Variants in CABLES2 observed in about 807,000 individuals in gnomAD.
The protein encoded by CABLES2 is CDK5 and ABL1 enzyme substrate 2.
In CABLES2, 35 loss-of-function variants were observed where a neutral mutation model predicts 44.8. The observed-to-expected ratio is 0.78, with a 90% CI of 0.60 to 1.04. CABLES2 has a LOEUF of 1.04. Among genes scored for constraint, CABLES2 ranks in the 50% least tolerant of loss-of-function variants. The probability of loss-of-function intolerance (pLI) is 0.00; values close to 1 mark genes in which losing one functional copy is unlikely to be tolerated. For synonymous variants in CABLES2, 282 were observed against 281.1 expected, an observed-to-expected ratio of 1.00 and a Z score of -0.03; for missense variants, 566 against 615.7, an observed-to-expected ratio of 0.92 and a Z score of 0.85.
Position 62,389,414 on chromosome 20 carries a change from G to A in CABLES2, c.*1557C>T, listed in dbSNP as rs957896536. ...CCATCTCTGGGTTTTGGTGGCCCCA[G>A]TGAGTGGCTGTGGAAAAGGAGGAGG... On this transcript the variant is annotated 3_prime_UTR_variant, in exon 10 of 10. Transcript: ENST00000279101. 5 of 152,376 alleles carry A rather than the reference G, an allele frequency of 3.3e-5. No homozygotes were observed. The highest frequency in any genetic ancestry group is 1.2e-4 in the African/African-American group (5 of 41,470). The allele number at this position is 152,376 out of a possible 1,614,324, so 9.4% of individuals were successfully genotyped here.
chr20:62,401,047 A>C (rs1988178731), intron 1 of CABLES2, among the ~76,000 whole-genome samples: 1 of 152,200 alleles, frequency 6.6e-6, no homozygotes, highest in Non-Finnish European at 1.5e-5. Flanking sequence ...CATGGCTGGT[A>C]AGAGACAGAG....
In CABLES2 at chr20:62,393,004, G is replaced by A. The variant is rs781599890; in HGVS notation, c.900C>T (p.Thr300=). ...CCAGGAGGTTGGGGTTGTACTCCAG[G>A]GTGTCCCCCACGTCACTCCCTGTAA... ...STELGSDVGD[T]LEYNPNLLDD... is the part of the protein sequence containing the mutation. The change falls in exon 7 of 10, where the codon ACC becomes ACT. Residue 300 remains threonine, a synonymous_variant. Coordinates refer to ENST00000279101, the MANE Select transcript of CABLES2 (RefSeq NM_031215.3). The A allele has an allele frequency of 1.3e-5, 21 of 1,613,814 alleles. No individual in the cohort carries two copies. In the South Asian group the frequency reaches 2.3e-4, roughly 18 times the overall value.
intron 1 of CABLES2, chr20:62,402,780 C>A (rs1157328832): frequency 6.6e-6 from 1 of 152,362 alleles, no homozygotes; most frequent in Non-Finnish European, 1.5e-5. Context: ...TATGGGGTCA[C>A]AGGGCTGGGC....
At position 62,396,974 on chromosome 20, in the gene CABLES2, T is replaced by C. The variant is rs1020818964; in HGVS notation, c.363-382A>G. Among the ~76,000 whole-genome samples the C allele has an allele frequency of 2.6e-5, 4 of 152,104 alleles. No individual in the cohort carries two copies. Among genetic ancestry groups the C allele is most frequent in the African/African-American group, 9.7e-5 (4 of 41,434 alleles). On this transcript the variant is annotated intron_variant, in intron 1 of 9. Transcript: ENST00000279101. The surrounding 1 kb of genome is among the most constrained non-coding windows in gnomAD (Gnocchi z 5.7). The stretch of plus-strand genomic sequence containing the variant: ...CAGGCCCATCCCACCCAGCGCTGCC[T>C]GAGACTGGTGCTGCCTGCCCCTCCC...
rs749825106 is a variant in CABLES2, at chr20:62,393,022, C to T, written c.882G>A (p.Gly294=). Reference sequence around the variant, plus strand: ...ACTCCAGGGTGTCCCCCACGTCACTCCCTGTAAGAGAGGCAACCCCTGACC... The same window carrying T: ...ACTCCAGGGTGTCCCCCACGTCACTTCCTGTAAGAGAGGCAACCCCTGACC... ...TKSAPASTEL[G]SDVGDTLEYN... is the part of the protein sequence containing the mutation. The change falls in exon 7 of 10, where the codon GGG becomes GGA. Residue 294 remains glycine (G), a splice_region_variant and synonymous_variant. Coordinates refer to ENST00000279101, the MANE Select transcript of CABLES2 (RefSeq NM_031215.3). 6.2e-7 allele frequency: 1 copy of T among 1,613,256 alleles called. No homozygotes were observed. Among genetic ancestry groups the T allele is most frequent in the Non-Finnish European group, 8.5e-7 (1 of 1,179,554 alleles).
intron 7 of CABLES2, 106 bp from the exon 8 acceptor site, chr20:62,392,601 T>A (rs964195641): frequency 2.3e-6 from 2 of 855,962 alleles, no homozygotes; most frequent in African/African-American, 3.3e-5. Flanking sequence ...CAAACATGCA[T>A]ACGGTGTGGC....
rs775505837 is a variant in CABLES2 at position 62,391,445 on chromosome 20, C to T, written c.1100G>A (p.Arg367Gln). ...LTLSKIRSLK[R>Q]EMRSLSEECS... The stretch of plus-strand genomic sequence containing the variant: ...CTCCTCCGACAGGCTCCGCATCTCC[C>T]GCTTTAAGCTGTGGGTTAAGACAGA... The change falls in exon 9 of 10, where the codon CGG (arginine) becomes CAG (glutamine). Residue 367 changes from arginine (R) to glutamine (Q), a missense_variant. Around this residue, in one of 2 missense-constraint regions of CABLES2, gnomAD observed 436 missense variants for 536.3 expected, o/e 0.81. Transcript: ENST00000279101. This position sits in a 1 kb window ranked among gnomAD's most constrained non-coding sequence, Gnocchi z 5.7. 2.2e-5 allele frequency: 35 copies of T among 1,613,064 alleles called. No individual in the cohort carries two copies. The highest frequency in any genetic ancestry group is 3.3e-5 in the South Asian group (3 of 91,078).
At chr20:62,402,270 T>C (rs546136037) in intron 1 of CABLES2, 1 of 152,352 alleles carries the variant, frequency 6.6e-6, no homozygotes, top group Non-Finnish European at 1.5e-5. Context: ...CTGTTTCTAG[T>C]GTTCGGTACA....
chr20:62,391,482 TG>T lies in CABLES2; in HGVS notation c.1092-30del. ...TGGGTTAAGACAGAAGCCATGTCCC[TG>T]GGGGCTCTGGCTGGGGCTGAGGAGG... On this transcript the variant is annotated intron_variant, in intron 8 of 9. Transcript: ENST00000279101. The surrounding 1 kb of genome is among the most constrained non-coding windows in gnomAD (Gnocchi z 5.7). 6.2e-7 allele frequency: 1 copy of T among 1,606,536 alleles called. No individual in the cohort carries two copies. Among genetic ancestry groups the T allele is most frequent in the African/African-American group, 1.3e-5 (1 of 74,944 alleles).
rs2146415811 is a variant in CABLES2, at chr20:62,389,612, T to G, written c.*1359A>C. On this transcript the variant is annotated 3_prime_UTR_variant, in exon 10 of 10. Coordinates refer to ENST00000279101, the MANE Select transcript of CABLES2 (RefSeq NM_031215.3). ...AGAGACAAAGTCGTCCCAGAGCCCCTCCAGGGCCAGGCAGGTTTATAAGGT... is the reference window on the plus strand; with the variant it reads ...AGAGACAAAGTCGTCCCAGAGCCCCGCCAGGGCCAGGCAGGTTTATAAGGT... 6.6e-6 allele frequency: 1 copy of G among 152,336 alleles called. No individual in the cohort carries two copies. Among genetic ancestry groups the G allele is most frequent in the East Asian group, 1.9e-4 (1 of 5,188 alleles). 9.4% of individuals were successfully genotyped at this position (152,336 alleles called of 1,614,324 possible). A position where few individuals can be genotyped will look rare whatever the true frequency, so the allele number is the denominator to read the frequency against.
chr20:62,398,913 C>A (rs1479602486), intron 1 of CABLES2, among the ~76,000 whole-genome samples: 1 of 152,240 alleles, frequency 6.6e-6, no homozygotes, highest in Non-Finnish European at 1.5e-5. Flanking sequence ...TGGTTGGTAC[C>A]AAGGCTGTCA....
At chr20:62,392,141 C>T (rs566133210) in intron 8 of CABLES2, among the ~76,000 whole-genome samples, 3 of 150,766 alleles carry the variant, frequency 2.0e-5, no homozygotes, top group South Asian at 2.1e-4. Flanking sequence ...TGGGCTGCTG[C>T]GAGGGTCTGG....
At chr20:62,400,259 G>T (rs1371621768) in intron 1 of CABLES2, among the ~76,000 whole-genome samples, 1 of 150,982 alleles carries the variant, frequency 6.6e-6, no homozygotes, top group Non-Finnish European at 1.5e-5. Context: ...GGGCTGGCCT[G>T]CACAGTGGGG....
chr20:62,407,239 G>T lies in CABLES2; in HGVS notation c.38C>A (p.Ala13Asp), dbSNP rs887809337. 7.2e-5 allele frequency: 59 copies of T among 817,060 alleles called. No individual in the cohort carries two copies. In the African/African-American group the frequency reaches 7.7e-4, roughly 11 times the overall value. The allele number at this position is 817,060 out of a possible 1,614,324, so 50.6% of individuals were successfully genotyped here. The change falls in exon 1 of 10, where the codon GCC becomes GAC. Residue 13 changes from alanine to aspartate, a missense_variant. Around this residue, in one of 2 missense-constraint regions of CABLES2, gnomAD observed 130 missense variants for 79.4 expected, o/e 1.64. Transcript: ENST00000279101. ...TGGCGGGGGCCCGGCGGGGCCGGGG[G>T]CCGGGCCCGGGGCTCCACCGGCCGC... is the stretch of plus-strand genomic sequence containing the variant. The part of the protein sequence containing the change: ...AAAAGGAPGP[A>D]PGPAGPPPPA...
intron 1 of CABLES2, among the ~76,000 whole-genome samples, chr20:62,398,187 A>T (rs796923400): frequency 1.1e-5 from 1 of 92,658 alleles, no homozygotes; most frequent in African/African-American, 5.0e-5. Flanking sequence ...GGTGGTGGTG[A>T]TGGTGATGAT....
At position 62,391,529 on chromosome 20, in the gene CABLES2, C is replaced by G. The variant is rs1052920623; in HGVS notation, c.1092-76G>C. The G allele has an allele frequency of 6.8e-7, 1 of 1,479,674 alleles. No individual in the cohort carries two copies. The highest frequency in any genetic ancestry group is 1.7e-5 in the Admixed American group (1 of 58,380). 91.7% of individuals were successfully genotyped at this position (1,479,674 alleles called of 1,614,324 possible). A position where few individuals can be genotyped will look rare whatever the true frequency, so the allele number is the denominator to read the frequency against. ...GGAGGCAGCCCCCTGCCACCACCAA[C>G]CGAGGCTGGAGCGATGTAGCTTTGG... On this transcript the variant is annotated intron_variant, in intron 8 of 9. Transcript: ENST00000279101. This position sits in a 1 kb window ranked among gnomAD's most constrained non-coding sequence, Gnocchi z 5.7.
intron 6 of CABLES2, 71 bp from the exon 7 acceptor site, chr20:62,393,094 G>A: frequency 2.1e-6 from 3 of 1,397,276 alleles, no homozygotes; most frequent in Non-Finnish European, 3.0e-6. Flanking sequence ...GGCCTGGCAG[G>A]CCAGCGCCAT....
intron 1 of CABLES2, chr20:62,404,269 G>C (rs1017113501): frequency 7.2e-5 from 11 of 152,444 alleles, no homozygotes; most frequent in African/African-American, 2.2e-4. Context: ...TGACCTCAGG[G>C]AGGCCATGCT....
chr20:62,397,923 A>ACGG (rs1988051825), intron 1 of CABLES2, among the ~76,000 whole-genome samples: 2 of 85,734 alleles, frequency 2.3e-5, no homozygotes, highest in African/African-American at 1.1e-4. Context: ...GGCAGTGGTG[A>ACGG]TGGTGGTGGT....
Sources: gnomAD v4.1 joint callset for allele counts (sites outside exome capture counted in the v4.1 genomes callset) on GRCh38, gnomAD v4.1.1 for gene constraint, gnomAD v4.1.1 regional missense constraint, Gnocchi (gnomAD v3.1) non-coding constraint, MANE v1.5 for transcripts, NCBI Gene and HGNC (gene_info 2026-07-23, HGNC 2026-07-21) for gene names.